SDC1: variants seen among roughly 807,000 people sequenced by gnomAD.
SDC1 encodes syndecan 1.
Under a neutral mutation model 29.7 loss-of-function variants are expected in SDC1, and 14 were observed. That is an observed-to-expected ratio of 0.47 (90% CI 0.31 to 0.74). The LOEUF is 0.74. Ranked by LOEUF, SDC1 falls within the 30% of genes least tolerant of loss-of-function variation. The pLI is 0.05. For synonymous variants in SDC1, 204 were observed against 175.5 expected (o/e 1.16, Z -1.29); for missense variants, 406 against 400.3 (o/e 1.01, Z -0.12).
At chr2:20,208,807 A>T (rs1320454519) in intron 1 of SDC1, among the ~76,000 whole-genome samples, 3 of 152,238 alleles carry the variant, frequency 2.0e-5, no homozygotes, top group East Asian at 3.9e-4. Flanking sequence ...GGAAGGCAAC[A>T]GGCTAACCAG....
In SDC1 at chr2:20,224,107, G is replaced by A. The variant is rs568766343; in HGVS notation, c.66+695C>T. 1.3e-5 allele frequency: 5 copies of A among 399,590 alleles called. No individual in the cohort carries two copies. Among genetic ancestry groups the A allele is most frequent in the East Asian group, 1.2e-4 (1 of 8,082 alleles). 24.8% of individuals were successfully genotyped at this position (399,590 alleles called of 1,614,324 possible). A position where few individuals can be genotyped will look rare whatever the true frequency, so the allele number is the denominator to read the frequency against. Reference sequence around the variant, plus strand: ...CTCCGGGGCCAGCTCAACTTCAGCAGCCCAGAAGTTGGGCTCCTCCGGGTC... The same window carrying A: ...CTCCGGGGCCAGCTCAACTTCAGCAACCCAGAAGTTGGGCTCCTCCGGGTC... On this transcript the variant is annotated intron_variant, in intron 1 of 4. Transcript: ENST00000254351. This position sits in a 1 kb window ranked among gnomAD's most constrained non-coding sequence, Gnocchi z 4.9.
intron 1 of SDC1, among the ~76,000 whole-genome samples, chr2:20,209,904 A>G (rs945205045): frequency 7.9e-5 from 12 of 152,224 alleles, no homozygotes; most frequent in African/African-American, 2.9e-4. Context: ...CCCAGTCGCT[A>G]ACCCGAGAGG....
chr2:20,218,730 C>T (rs2148295748), intron 1 of SDC1, among the ~76,000 whole-genome samples: 1 of 151,740 alleles, frequency 6.6e-6, no homozygotes, highest in East Asian at 1.9e-4. Flanking sequence ...GGGACACACA[C>T]ACGTACATGG....
rs1677007707 is a variant in SDC1 at position 20,201,519 on chromosome 2, A to C, written c.*1247T>G. ...ACTACTTTATATTAAAGTTTATTAC[A>C]TTTGGAAAATCTACTGTACAGGGAA... On this transcript the variant is annotated 3_prime_UTR_variant, in exon 5 of 5. Coordinates refer to ENST00000254351, the MANE Select transcript of SDC1 (RefSeq NM_002997.5). The C allele has an allele frequency of 6.5e-6, 1 of 152,686 alleles. No individual in the cohort carries two copies. Among genetic ancestry groups the C allele is most frequent in the Non-Finnish European group, 1.5e-5 (1 of 68,052 alleles). The allele number at this position is 152,686 out of a possible 1,614,324, so 9.5% of individuals were successfully genotyped here.
chr2:20,202,495 C>T lies in SDC1; in HGVS notation c.*271G>A, dbSNP rs561651027. 3.4e-5 allele frequency: 20 copies of T among 591,736 alleles called. No homozygotes were observed. Among genetic ancestry groups the T allele is most frequent in the East Asian group, 1.1e-4 (4 of 35,418 alleles). 36.7% of individuals were successfully genotyped at this position (591,736 alleles called of 1,614,324 possible). On this transcript the variant is annotated 3_prime_UTR_variant, in exon 5 of 5. Coordinates refer to ENST00000254351, the MANE Select transcript of SDC1 (RefSeq NM_002997.5). ...AGAGGCTGCTTCAGTTTGGAGAAAC[C>T]GAGTCAGAATGGTGCGATGCCAGGT...
intron 1 of SDC1, among the ~76,000 whole-genome samples, chr2:20,209,612 T>A (rs1164100923): frequency 6.6e-6 from 1 of 152,206 alleles, no homozygotes; most frequent in Non-Finnish European, 1.5e-5. Flanking sequence ...TGCCAGCCAT[T>A]ACAAAGAGCA....
intron 1 of SDC1, among the ~76,000 whole-genome samples, chr2:20,216,301 C>T (rs1222279709): frequency 6.6e-6 from 1 of 152,172 alleles, no homozygotes; most frequent in East Asian, 1.9e-4. Flanking sequence ...CCAGCCTGGC[C>T]CTCAGCCCCG....
chr2:20,212,794 C>T (rs551721198), intron 1 of SDC1, among the ~76,000 whole-genome samples: 11 of 151,970 alleles, frequency 7.2e-5, no homozygotes, highest in Non-Finnish European at 1.6e-4. Context: ...GAGCACCTTT[C>T]GGGGACACTC....
At position 20,202,403 on chromosome 2, in the gene SDC1, C is replaced by A; in HGVS notation, c.*363G>T. ...CCCAAGCCCCACCCGCAGGATCTTC[C>A]AGCCACATGAGGCCATTTAGGTCCA... On this transcript the variant is annotated 3_prime_UTR_variant, in exon 5 of 5. Transcript: ENST00000254351. 1 of 687,266 alleles carries A rather than the reference C, an allele frequency of 1.5e-6. No homozygotes were observed. Among genetic ancestry groups the A allele is most frequent in the Admixed American group, 2.2e-5 (1 of 45,244 alleles). 42.6% of individuals were successfully genotyped at this position (687,266 alleles called of 1,614,324 possible).
intron 2 of SDC1, among the ~76,000 whole-genome samples, chr2:20,204,840 C>T (rs758550678): frequency 6.6e-6 from 1 of 152,188 alleles, no homozygotes; most frequent in Admixed American, 6.5e-5. Context: ...CCCTGACCAC[C>T]TCCAGCTCAG....
chr2:20,209,746 C>T (rs1462553735), intron 1 of SDC1, among the ~76,000 whole-genome samples: 1 of 152,268 alleles, frequency 6.6e-6, no homozygotes, highest in African/African-American at 2.4e-5. Flanking sequence ...ACCTCCGTCT[C>T]AGCAGAGCCC....
Position 20,224,731 on chromosome 2 carries a change from C to T in SDC1, c.66+71G>A. 2 of 1,247,298 alleles carry T rather than the reference C, an allele frequency of 1.6e-6. No homozygotes were observed. The highest frequency in any genetic ancestry group is 1.0e-6 in the Non-Finnish European group (1 of 992,276). 77.3% of individuals were successfully genotyped at this position (1,247,298 alleles called of 1,614,324 possible). A position where few individuals can be genotyped will look rare whatever the true frequency, so the allele number is the denominator to read the frequency against. ...CGCTCCCCCTCCCCCTCCACGTGCA[C>T]CCGCCGGCATCCGCGGGTGACCAGT... is the stretch of plus-strand genomic sequence containing the variant. On this transcript the variant is annotated intron_variant, in intron 1 of 4. Coordinates refer to ENST00000254351, the MANE Select transcript of SDC1 (RefSeq NM_002997.5). This position sits in a 1 kb window ranked among gnomAD's most constrained non-coding sequence, Gnocchi z 4.9.
chr2:20,203,724 T>A, intron 3 of SDC1, 89 bp downstream of exon 3: 1 of 972,754 alleles, frequency 1.0e-6, no homozygotes, highest in Non-Finnish European at 1.5e-6. Flanking sequence ...GAATACGAGA[T>A]GCCCGCAGGG....
intron 2 of SDC1, 111 bp from the exon 3 acceptor site, chr2:20,204,402 T>TC: frequency 6.9e-6 from 5 of 728,946 alleles, no homozygotes. Flanking sequence ...CTGGCCAAGC[T>TC]CAGGCTATGA....
At chr2:20,221,001 T>C (rs914637407) in intron 1 of SDC1, among the ~76,000 whole-genome samples, 3 of 152,144 alleles carry the variant, frequency 2.0e-5, no homozygotes, top group Admixed American at 6.5e-5. Context: ...ACTTGGAACA[T>C]GGGGGTCAGC....
chr2:20,205,399 G>C lies in SDC1; in HGVS notation c.92C>G (p.Pro31Arg). 1 of 1,614,038 alleles carries C rather than the reference G, an allele frequency of 6.2e-7. No individual in the cohort carries two copies. Among genetic ancestry groups the C allele is most frequent in the Non-Finnish European group, 8.5e-7 (1 of 1,179,922 alleles). The change falls in exon 2 of 5, where the codon CCT becomes CGT. Residue 31 changes from proline to arginine, a missense_variant. Transcript: ENST00000254351. Reference protein sequence around the residue: ...LPQIVATNLPPEDQDGSGDDS... With the variant: ...LPQIVATNLPREDQDGSGDDS... ...ATCCCCAGAGCCATCTTGATCTTCAGGGGGCAAATTAGTAGCCACAATTTG... is the reference window on the plus strand; with the variant it reads ...ATCCCCAGAGCCATCTTGATCTTCACGGGGCAAATTAGTAGCCACAATTTG...
chr2:20,220,198 C>G (rs978568160), intron 1 of SDC1, among the ~76,000 whole-genome samples: 1 of 152,252 alleles, frequency 6.6e-6, no homozygotes, highest in Non-Finnish European at 1.5e-5. Context: ...CCAGCTCAGC[C>G]TGGCCCAGCC....
At chr2:20,210,800 A>T (rs1381628058) in intron 1 of SDC1, among the ~76,000 whole-genome samples, 1 of 152,166 alleles carries the variant, frequency 6.6e-6, no homozygotes, top group Admixed American at 6.5e-5. Context: ...CCTGTTCCAG[A>T]AGCCCAGGCT....
At chr2:20,216,158 T>C (rs898221473) in intron 1 of SDC1, among the ~76,000 whole-genome samples, 3 of 152,168 alleles carry the variant, frequency 2.0e-5, no homozygotes, top group African/African-American at 7.2e-5. Context: ...AGGGGTGAGC[T>C]TCCTGGACTT....
Sources: allele counts gnomAD v4.1 joint callset (sites outside exome capture counted in the v4.1 genomes callset), GRCh38; gene constraint gnomAD v4.1.1; non-coding constraint Gnocchi (gnomAD v3.1); transcripts MANE v1.5; gene names NCBI Gene and HGNC (gene_info 2026-07-23, HGNC 2026-07-21).